The following CCDC178 variants were observed in gnomAD, a reference collection of about 807,000 sequenced individuals.
The protein encoded by CCDC178 is coiled-coil domain-containing protein 178.
Under a neutral mutation model 117.4 loss-of-function variants are expected in CCDC178, and 126 were observed. The observed-to-expected ratio is 1.07, with a 90% confidence interval of 0.93 to 1.24. The LOEUF is 1.24. CCDC178 is among the 50% of genes most tolerant of loss of function. CCDC178 has a pLI of 0.00. For synonymous variants in CCDC178, 283 were observed against 313.4 expected, an observed-to-expected ratio of 0.90 and a Z score of 1.02; for missense variants, 1,030 against 986.9, an observed-to-expected ratio of 1.04 and a Z score of -0.59.
chr18:33,279,898 T>C (rs867416398), intron 12 of CCDC178, among the ~76,000 whole-genome samples: 3 of 152,134 alleles, frequency 2.0e-5, no homozygotes, highest in Middle Eastern at 3.2e-3. Context: ...TGGCTAGCCA[T>C]ATGTAGAAAG....
chr18:33,302,634 C>A (rs747673311), intron 11 of CCDC178, among the ~76,000 whole-genome samples: 2 of 152,022 alleles, frequency 1.3e-5, no homozygotes, highest in Non-Finnish European at 2.9e-5. Flanking sequence ...GGTGAATGAA[C>A]AAAGAAAATG....
chr18:33,206,264 T>C (rs188465284), intron 20 of CCDC178, among the ~76,000 whole-genome samples: 46 of 152,256 alleles, frequency 3.0e-4, no homozygotes, highest in Non-Finnish European at 5.3e-4. Flanking sequence ...CTTGATCATT[T>C]GAAAAATTTG....
At chr18:33,056,270 A>T (rs1274375397) in intron 21 of CCDC178, among the ~76,000 whole-genome samples, 1 of 152,192 alleles carries the variant, frequency 6.6e-6, no homozygotes, top group Non-Finnish European at 1.5e-5. Context: ...ACAATCATCA[A>T]GCAAACATCT....
chr18:33,209,114 A>C (rs1214076215), intron 20 of CCDC178, among the ~76,000 whole-genome samples: 1 of 152,040 alleles, frequency 6.6e-6, no homozygotes, highest in East Asian at 1.9e-4. Flanking sequence ...CACTAGCTAG[A>C]GCTACAGTCC....
intron 20 of CCDC178, among the ~76,000 whole-genome samples, chr18:33,128,519 C>T (rs1303451854): frequency 6.6e-6 from 1 of 152,170 alleles, no homozygotes; most frequent in African/African-American, 2.4e-5. Context: ...CCCTGAATTT[C>T]GTGAGGTCTG....
At chr18:33,035,777 A>G (rs1250932106) in intron 21 of CCDC178, among the ~76,000 whole-genome samples, 2 of 152,020 alleles carry the variant, frequency 1.3e-5, no homozygotes, top group Non-Finnish European at 2.9e-5. Context: ...AAATCATCAC[A>G]TTGTATACCT....
At chr18:33,371,599 A>T (rs2144762340) in intron 5 of CCDC178, among the ~76,000 whole-genome samples, 1 of 152,116 alleles carries the variant, frequency 6.6e-6, no homozygotes, top group East Asian at 1.9e-4. Flanking sequence ...AACAGTACTA[A>T]AAATATATTT....
chr18:33,124,635 T>C lies in CCDC178; in HGVS notation c.2239-31725A>G, dbSNP rs531393727. On this transcript the variant is annotated intron_variant, in intron 20 of 22. Transcript: ENST00000383096. ...ATATAAATTGTTTGTATCTTCTTTCTCTTTCAAAACTTTTGACAGTGGTGA... is the reference window on the plus strand; with the variant it reads ...ATATAAATTGTTTGTATCTTCTTTCCCTTTCAAAACTTTTGACAGTGGTGA... 7.4e-4 allele frequency among the ~76,000 whole-genome samples: 113 copies of C among 152,342 alleles called. 1 individual carries two copies. The highest frequency in any genetic ancestry group is 2.6e-3 in the African/African-American group (109 of 41,572).
intron 14 of CCDC178, among the ~76,000 whole-genome samples, chr18:33,248,248 A>G (rs1307065209): frequency 6.6e-6 from 1 of 151,724 alleles, no homozygotes; most frequent in East Asian, 1.9e-4. Flanking sequence ...GCTTAAGAAA[A>G]TTTACCAGAA....
intron 3 of CCDC178, among the ~76,000 whole-genome samples, chr18:33,406,358 A>T (rs2063780099): frequency 6.6e-6 from 1 of 152,216 alleles, no homozygotes; most frequent in Admixed American, 6.5e-5. Flanking sequence ...AGCAATTGTC[A>T]TGATCTTTAT....
intron 21 of CCDC178, among the ~76,000 whole-genome samples, chr18:33,092,374 A>C (rs1490470360): frequency 6.6e-6 from 1 of 152,082 alleles, no homozygotes; most frequent in East Asian, 1.9e-4. Context: ...CTAATAAGAA[A>C]ATAGTTACCA....
At chr18:33,338,539 A>AC (rs2062773215) in intron 9 of CCDC178, among the ~76,000 whole-genome samples, 1 of 152,236 alleles carries the variant, frequency 6.6e-6, no homozygotes, top group South Asian at 2.1e-4. Context: ...AAAATGTGGT[A>AC]CATATACCAT....
intron 20 of CCDC178, among the ~76,000 whole-genome samples, chr18:33,210,308 A>T: frequency 6.6e-6 from 1 of 151,884 alleles, no homozygotes; most frequent in Non-Finnish European, 1.5e-5. Context: ...GTGCCCAGAA[A>T]AAATCATGAG....
chr18:33,105,275 T>C (rs542875148), intron 20 of CCDC178, among the ~76,000 whole-genome samples: 15 of 151,824 alleles, frequency 9.9e-5, no homozygotes, highest in African/African-American at 3.4e-4. Context: ...CATAGCTCTG[T>C]CACTGCAATC....
intron 6 of CCDC178, among the ~76,000 whole-genome samples, chr18:33,365,130 C>T (rs1267924366): frequency 6.6e-6 from 1 of 151,910 alleles, no homozygotes; most frequent in Non-Finnish European, 1.5e-5. Flanking sequence ...GAATAGGAAA[C>T]CAGATATATC....
intron 21 of CCDC178, among the ~76,000 whole-genome samples, chr18:33,079,474 C>G (rs1331334065): frequency 6.6e-6 from 1 of 152,114 alleles, no homozygotes; most frequent in Non-Finnish European, 1.5e-5. Flanking sequence ...ATAAAACTAT[C>G]AACAGAGTAA....
chr18:33,246,785 C>T (rs1161330362), intron 14 of CCDC178, among the ~76,000 whole-genome samples: 4 of 151,694 alleles, frequency 2.6e-5, no homozygotes, highest in Non-Finnish European at 4.4e-5. Context: ...GCTAAAGACA[C>T]ATAGAGAGCA....
intron 14 of CCDC178, among the ~76,000 whole-genome samples, chr18:33,260,107 A>G (rs772873459): frequency 1.3e-5 from 2 of 152,032 alleles, no homozygotes; most frequent in Non-Finnish European, 2.9e-5. Flanking sequence ...GTGCTCTCTC[A>G]GTCACTACCA....
At chr18:33,047,863 G>T (rs1435801220) in intron 21 of CCDC178, among the ~76,000 whole-genome samples, 3 of 152,122 alleles carry the variant, frequency 2.0e-5, no homozygotes, top group Non-Finnish European at 4.4e-5. Flanking sequence ...GCTTTTTGTG[G>T]AAAGGTAACT....
Sources: gnomAD v4.1 joint callset for allele counts (sites outside exome capture counted in the v4.1 genomes callset) on GRCh38, gnomAD v4.1.1 for gene constraint, MANE v1.5 for transcripts, NCBI Gene and HGNC (gene_info 2026-07-23, HGNC 2026-07-21) for gene names.